The following SORCS2 variants were observed in gnomAD, a reference collection of about 807,000 sequenced individuals.
SORCS2 encodes VPS10 domain-containing receptor SorCS2.
A neutral mutation model predicts 141.6 loss-of-function variants in SORCS2; 100 were observed. The observed-to-expected ratio is 0.71, with a 90% confidence interval of 0.60 to 0.83. The LOEUF (loss-of-function observed/expected upper bound fraction) is 0.83, where lower values mean the gene tolerates loss of function less well. Among genes scored for constraint, SORCS2 ranks in the 40% least tolerant of loss-of-function variants. The pLI, the probability that SORCS2 is intolerant of heterozygous loss-of-function variation, is 0.00. For missense variants in SORCS2, 1,646 were observed against 1,560.2 expected, an observed-to-expected ratio of 1.05 and a Z score of -0.93; for synonymous variants, 789 against 676.9, an observed-to-expected ratio of 1.17 and a Z score of -2.57.
intron 2 of SORCS2, chr4:7,434,544 A>C (rs1308450662): frequency 4.3e-6 from 7 of 1,613,144 alleles, no homozygotes; most frequent in African/African-American, 1.3e-5. Flanking sequence ...AACTGTGGGC[A>C]TCCACCATCC....
rs1712617924 is a variant in SORCS2 at position 7,740,893 on chromosome 4, A to G, written c.*629A>G. The G allele has an allele frequency of 2.5e-6, 1 of 397,402 alleles. No homozygotes were observed. The highest frequency in any genetic ancestry group is 4.4e-5 in the Admixed American group (1 of 22,894). The allele number at this position is 397,402 out of a possible 1,614,324, so 24.6% of individuals were successfully genotyped here. A position where few individuals can be genotyped will look rare whatever the true frequency, so the allele number is the denominator to read the frequency against. Reference sequence around the variant, plus strand: ...TCTGTCTTTATAGCCGGCGGTAGCCACCGGGGTGGCTCTGTCAGAGTTCCG... The same window carrying G: ...TCTGTCTTTATAGCCGGCGGTAGCCGCCGGGGTGGCTCTGTCAGAGTTCCG... On this transcript the variant is annotated 3_prime_UTR_variant, in exon 27 of 27. Coordinates refer to ENST00000507866, the MANE Select transcript of SORCS2 (RefSeq NM_020777.3).
chr4:7,216,999 C>G (rs1044199962), intron 1 of SORCS2, among the ~76,000 whole-genome samples: 7 of 152,186 alleles, frequency 4.6e-5, no homozygotes, highest in Admixed American at 3.9e-4. Flanking sequence ...TGGCGGTTCC[C>G]GTGGCTCTTC....
chr4:7,686,644 C>G (rs1157999448), intron 10 of SORCS2, among the ~76,000 whole-genome samples: 1 of 152,212 alleles, frequency 6.6e-6, no homozygotes, highest in African/African-American at 2.4e-5. Context: ...GCACCCAAGG[C>G]GGGTTCTGGG....
chr4:7,640,038 C>T (rs915293241), intron 4 of SORCS2, among the ~76,000 whole-genome samples: 1 of 134,874 alleles, frequency 7.4e-6, no homozygotes, highest in Non-Finnish European at 1.6e-5. Context: ...CGTGAGTGTG[C>T]ATGTGTGAGA....
chr4:7,631,710 T>C (rs1719909794), intron 3 of SORCS2, among the ~76,000 whole-genome samples: 2 of 152,116 alleles, frequency 1.3e-5, no homozygotes, highest in Non-Finnish European at 2.9e-5. Context: ...ATGGACTGAA[T>C]GAGTCAGTCA....
At chr4:7,469,941 T>C (rs1729867557) in intron 2 of SORCS2, among the ~76,000 whole-genome samples, 1 of 152,158 alleles carries the variant, frequency 6.6e-6, no homozygotes, top group African/African-American at 2.4e-5. Context: ...ACAATGGGTC[T>C]TCATGCTCAG....
chr4:7,295,966 A>G (rs991978306), intron 1 of SORCS2, among the ~76,000 whole-genome samples: 1 of 152,224 alleles, frequency 6.6e-6, no homozygotes, highest in African/African-American at 2.4e-5. Flanking sequence ...TGAGGTTGAC[A>G]TGTCAGAGCC....
At chr4:7,544,534 A>C (rs1053398808) in intron 3 of SORCS2, among the ~76,000 whole-genome samples, 1 of 152,230 alleles carries the variant, frequency 6.6e-6, no homozygotes, top group Non-Finnish European at 1.5e-5. Flanking sequence ...AAGAAGAGCT[A>C]TATGTGCCCC....
rs112775494 is a variant in SORCS2 at position 7,378,418 on chromosome 4, G to A, written c.481-17870G>A. ...TTCCACATGGCTGGGGAGGCCTCAG[G>A]AAACTTATAATCATGGTGGAAGAGG... is the stretch of plus-strand genomic sequence containing the variant. On this transcript the variant is annotated intron_variant, in intron 1 of 26. Transcript: ENST00000507866. 2.7e-3 allele frequency among the ~76,000 whole-genome samples: 413 copies of A among 152,268 alleles called. 2 individuals are homozygous for A. The highest frequency in any genetic ancestry group is 4.2e-3 in the Non-Finnish European group (285 of 68,014).
At chr4:7,301,376 C>T (rs1577373507) in intron 1 of SORCS2, among the ~76,000 whole-genome samples, 1 of 152,192 alleles carries the variant, frequency 6.6e-6, no homozygotes, top group African/African-American at 2.4e-5. Flanking sequence ...CAGCACAGGC[C>T]CAGGGAGGGA....
chr4:7,405,784 CAG>C (rs1329915118), intron 2 of SORCS2, among the ~76,000 whole-genome samples: 8 of 152,016 alleles, frequency 5.3e-5, no homozygotes, highest in Non-Finnish European at 1.2e-4. Flanking sequence ...CATCAGTAAA[CAG>C]GGATAATTTT....
intron 2 of SORCS2, among the ~76,000 whole-genome samples, chr4:7,472,538 C>T (rs995639628): frequency 6.6e-6 from 1 of 151,540 alleles, no homozygotes; most frequent in Non-Finnish European, 1.5e-5. Context: ...CCTGAATGCA[C>T]AGCTGCTGCC....
chr4:7,679,749 C>CCT, intron 9 of SORCS2, among the ~76,000 whole-genome samples: 2 of 141,286 alleles, frequency 1.4e-5, no homozygotes, highest in East Asian at 4.3e-4. Flanking sequence ...ACTTGTGGGA[C>CCT]TTTTTTTTTT....
At chr4:7,618,137 C>T (rs575239293) in intron 3 of SORCS2, among the ~76,000 whole-genome samples, 1 of 152,212 alleles carries the variant, frequency 6.6e-6, no homozygotes, top group South Asian at 2.1e-4. Context: ...GCCATCGGAA[C>T]TCTTCCACCT....
chr4:7,647,864 C>T (rs977401830), intron 4 of SORCS2, among the ~76,000 whole-genome samples: 12 of 152,362 alleles, frequency 7.9e-5, no homozygotes, highest in African/African-American at 1.2e-4. Context: ...ATGAGAGCTC[C>T]GGGTGTGTTC....
chr4:7,715,988 T>C (rs934732464), intron 17 of SORCS2, among the ~76,000 whole-genome samples: 1 of 152,246 alleles, frequency 6.6e-6, no homozygotes, highest in Non-Finnish European at 1.5e-5. Flanking sequence ...GAATACAAGC[T>C]GTGCATGAGG....
At position 7,689,506 on chromosome 4, in the gene SORCS2, G is replaced by A. The variant is rs1489865183; in HGVS notation, c.1509G>A (p.Leu503=). ...NCKPPDCHLH[L]HLRWADNPYV... is the part of the protein sequence containing the mutation. ...TGCAGCCAGACTGCCACCTGCACCT[G>A]CACCTGCGCTGGGCAGACAACCCCT... Residue 503 remains leucine (L), a synonymous_variant, in exon 11 of 27, where the codon CTG becomes CTA. Coordinates refer to ENST00000507866, the MANE Select transcript of SORCS2 (RefSeq NM_020777.3). 6.2e-7 allele frequency: 1 copy of A among 1,603,198 alleles called. No homozygotes were observed. The highest frequency in any genetic ancestry group is 8.5e-7 in the Non-Finnish European group (1 of 1,175,492).
At chr4:7,616,497 A>C (rs2062719189) in intron 3 of SORCS2, among the ~76,000 whole-genome samples, 1 of 151,936 alleles carries the variant, frequency 6.6e-6, no homozygotes, top group Admixed American at 6.6e-5. Flanking sequence ...CCCTTCATCC[A>C]AGTGGGGTGG....
At position 7,403,854 on chromosome 4, in the gene SORCS2, G is replaced by A. The variant is rs946950963; in HGVS notation, c.548+7499G>A. On this transcript the variant is annotated intron_variant, in intron 2 of 26. Transcript: ENST00000507866. ...AGGGCTTTTGGAGTATTCATCACCC[G>A]AATAATGTACACTGTATGCACGAAG... 4.7e-5 allele frequency among the ~76,000 whole-genome samples: 7 copies of A among 148,750 alleles called. No homozygotes were observed. In the East Asian group the frequency reaches 8.0e-4, roughly 17 times the overall value.
Sources: gnomAD v4.1 joint callset for allele counts (sites outside exome capture counted in the v4.1 genomes callset) on GRCh38, gnomAD v4.1.1 for gene constraint, MANE v1.5 for transcripts, NCBI Gene and HGNC (gene_info 2026-07-23, HGNC 2026-07-21) for gene names.